The following LIMCH1 variants were observed in gnomAD, a reference collection of about 807,000 sequenced individuals.
LIMCH1 encodes the protein LIM and calponin homology domains-containing protein 1.
LIMCH1 carries 113 observed loss-of-function variants against 176.5 expected under a neutral mutation model. The ratio of observed to expected loss-of-function variants is 0.64; its 90% confidence interval spans 0.55 to 0.75. The LOEUF (loss-of-function observed/expected upper bound fraction) is 0.75. LIMCH1 is among the 30% of genes least tolerant of loss of function. LIMCH1 has a pLI of 0.00. For missense variants in LIMCH1, 1,674 were observed against 1,814.9 expected (o/e 0.92, Z 1.41); for synonymous variants, 619 against 645.9 (o/e 0.96, Z 0.63).
intron 4 of LIMCH1, chr4:41,612,766 C>T (rs1265962617): frequency 1.2e-5 from 9 of 754,662 alleles, no homozygotes; most frequent in African/African-American, 7.1e-5. Flanking sequence ...GCTCCCCCAG[C>T]GCCAAGAGCT....
At chr4:41,479,294 C>T (rs1467524555) in intron 1 of LIMCH1, among the ~76,000 whole-genome samples, 1 of 152,198 alleles carries the variant, frequency 6.6e-6, no homozygotes, top group Non-Finnish European at 1.5e-5. Context: ...ACTTGGTCCT[C>T]CAGGCTAGAG....
At chr4:41,656,736 G>A (rs2094474110) in intron 18 of LIMCH1, among the ~76,000 whole-genome samples, 1 of 152,106 alleles carries the variant, frequency 6.6e-6, no homozygotes, top group Admixed American at 6.5e-5. Flanking sequence ...GTCCAGATAA[G>A]TTGTCCAAGA....
intron 1 of LIMCH1, among the ~76,000 whole-genome samples, chr4:41,476,141 C>A (rs1341747219): frequency 6.6e-6 from 1 of 152,132 alleles, no homozygotes. Context: ...CTGGCCCTCA[C>A]AATTGCCTTT....
In LIMCH1 at chr4:41,633,535, A is replaced by T. The variant is rs2093433463; in HGVS notation, c.1830-13A>T. The T allele has an allele frequency of 6.5e-7, 1 of 1,534,212 alleles. No homozygotes were observed. Among genetic ancestry groups the T allele is most frequent in the Non-Finnish European group, 8.7e-7 (1 of 1,145,720 alleles). On this transcript the variant is annotated splice_polypyrimidine_tract_variant and intron_variant, in intron 12 of 31. Transcript: ENST00000503057. The stretch of plus-strand genomic sequence containing the variant: ...AAGTGGCCTTTGACTGGCTGGACTG[A>T]ATGTTGCCCTAGGGTGTGTCCTCTG...
intron 5 of LIMCH1, among the ~76,000 whole-genome samples, chr4:41,618,740 T>TATG (rs1313389453): frequency 6.6e-6 from 1 of 152,214 alleles, no homozygotes; most frequent in Non-Finnish European, 1.5e-5. Context: ...CTAGGTATGT[T>TATG]ATGGGTTGGT....
chr4:41,388,863 G>A (rs1339254329), intron 1 of LIMCH1, among the ~76,000 whole-genome samples: 12 of 152,048 alleles, frequency 7.9e-5, no homozygotes, highest in African/African-American at 2.9e-4. Context: ...GGCTGGTCTC[G>A]AACTCCAGAC....
At position 41,612,895 on chromosome 4, in the gene LIMCH1, C is replaced by T. The variant is rs1323496153; in HGVS notation, c.10-571C>T. On this transcript the variant is annotated intron_variant, in intron 4 of 31. Coordinates refer to ENST00000503057, the MANE Select transcript of LIMCH1 (RefSeq NM_001330672.2). Reference sequence around the variant, plus strand: ...TAACTTTTGCCTCAGAAAGACAGCTCCCTTTCAGAGCAGGAATTTCCCTTC... The same window carrying T: ...TAACTTTTGCCTCAGAAAGACAGCTTCCTTTCAGAGCAGGAATTTCCCTTC... 20 of 1,413,002 alleles carry T rather than the reference C, an allele frequency of 1.4e-5. 1 individual carries two copies. In the Middle Eastern group the frequency reaches 7.3e-4, roughly 52 times the overall value. 87.5% of individuals were successfully genotyped at this position (1,413,002 alleles called of 1,614,324 possible). A position where few individuals can be genotyped will look rare whatever the true frequency, so the allele number is the denominator to read the frequency against.
chr4:41,563,184 A>G (rs946859565), intron 1 of LIMCH1, among the ~76,000 whole-genome samples: 1 of 152,152 alleles, frequency 6.6e-6, no homozygotes, highest in African/African-American at 2.4e-5. Context: ...GCTCTGTGAT[A>G]GTGTACATGT....
At chr4:41,451,314 C>T (rs1343221444) in intron 1 of LIMCH1, among the ~76,000 whole-genome samples, 1 of 151,122 alleles carries the variant, frequency 6.6e-6, no homozygotes, top group Non-Finnish European at 1.5e-5. Context: ...TTGGTAGAGA[C>T]AGGTTTTCTC....
At chr4:41,521,748 A>C (rs2076141522) in intron 2 of LIMCH1, among the ~76,000 whole-genome samples, 1 of 152,116 alleles carries the variant, frequency 6.6e-6, no homozygotes, top group Non-Finnish European at 1.5e-5. Flanking sequence ...TTTTTAATTT[A>C]TGGTAAAACA....
Position 41,433,404 on chromosome 4 carries a change from TAAC to T in LIMCH1, c.97-61126_97-61124del, listed in dbSNP as rs549451350. Among the ~76,000 whole-genome samples the T allele has an allele frequency of 6.6e-5, 10 of 152,342 alleles. No homozygotes were observed. The East Asian group carries it at 1.9e-3, about 29-fold the overall frequency. ...TGACTCCAAACTTAGTGGCTTAAAA[TAAC>T]AACAATTTATTGTTTCTTAAGATTC... is the stretch of plus-strand genomic sequence containing the variant. On this transcript the variant is annotated intron_variant, in intron 1 of 26. Transcript: ENST00000313860.
rs116614709 is a variant in LIMCH1 at position 41,528,902 on chromosome 4, G to A, written c.237+4424G>A. Among the ~76,000 whole-genome samples, 981 of 152,328 alleles carry A rather than the reference G, an allele frequency of 6.4e-3. 10 individuals are homozygous for A. The highest frequency in any genetic ancestry group is 0.022 in the African/African-American group (924 of 41,564). ...GGTTACAAAGAATTCAGGGGTGAAG[G>A]TGTTAAAACAAAGTAGTTGAAAATC... On this transcript the variant is annotated intron_variant, in intron 3 of 26. Transcript: ENST00000313860.
chr4:41,536,141 C>G (rs1220634960), upstream of LIMCH1, among the ~76,000 whole-genome samples: 1 of 152,172 alleles, frequency 6.6e-6, no homozygotes, highest in Non-Finnish European at 1.5e-5. Context: ...TAGAGGATAA[C>G]TTTCTGTGGA....
intron 1 of LIMCH1, among the ~76,000 whole-genome samples, chr4:41,453,983 C>T (rs562212241): frequency 6.6e-6 from 1 of 152,282 alleles, no homozygotes; most frequent in African/African-American, 2.4e-5. Flanking sequence ...CACTCTTACT[C>T]TGGTCAACAC....
rs555873080 is a variant in LIMCH1 at position 41,427,380 on chromosome 4, A to T, written c.96+66444A>T. ...CCTTTGCCAAGCTCACAAATGATGG[A>T]TTTTTGTTTTCCTTCGGCCTGAGGG... On this transcript the variant is annotated intron_variant, in intron 1 of 26. Coordinates refer to the LIMCH1 transcript ENST00000313860. Among the ~76,000 whole-genome samples, 3 of 152,218 alleles carry T rather than the reference A, an allele frequency of 2.0e-5. No homozygotes were observed. In the South Asian group the frequency reaches 6.2e-4, roughly 32 times the overall value.
chr4:41,646,684 A>C lies in LIMCH1; in HGVS notation c.2611A>C (p.Met871Leu), dbSNP rs765681598. 1.2e-6 allele frequency: 2 copies of C among 1,614,184 alleles called. No individual in the cohort carries two copies. The highest frequency in any genetic ancestry group is 1.7e-5 in the Admixed American group (1 of 60,022). The change falls in exon 17 of 32, where the codon ATG becomes CTG. Residue 871 changes from methionine (M) to leucine (L), a missense_variant. Met to Leu is a conservative substitution (Grantham distance 15). Around this residue, in one of 3 missense-constraint regions of LIMCH1, gnomAD observed 1,015 missense variants for 1,102.5 expected, o/e 0.92. Transcript: ENST00000503057. ...CTCCTTCCTGAATGACCCCAATCCC[A>C]TGAAATACCTGCGGCAACAGTCACT... Reference protein sequence around the residue: ...LSSFLNDPNPMKYLRQQSLPP... With the variant: ...LSSFLNDPNPLKYLRQQSLPP...
At chr4:41,624,425 G>A (rs1229198160) in intron 7 of LIMCH1, among the ~76,000 whole-genome samples, 3 of 152,040 alleles carry the variant, frequency 2.0e-5, no homozygotes, top group Non-Finnish European at 2.9e-5. Flanking sequence ...CCAAACGCCG[G>A]TTCACCGTGG....
intron 22 of LIMCH1, among the ~76,000 whole-genome samples, chr4:41,672,833 A>T (rs2095096206): frequency 6.6e-6 from 1 of 152,182 alleles, no homozygotes; most frequent in African/African-American, 2.4e-5. Context: ...TGTGCCTTTG[A>T]TTCTGGATTT....
At chr4:41,688,662 G>A (rs941775531) in intron 29 of LIMCH1, among the ~76,000 whole-genome samples, 1 of 152,174 alleles carries the variant, frequency 6.6e-6, no homozygotes, top group Non-Finnish European at 1.5e-5. Context: ...TGTGATCTTA[G>A]TTATATAAAA....
Sources: allele counts gnomAD v4.1 joint callset (sites outside exome capture counted in the v4.1 genomes callset), GRCh38; gene constraint gnomAD v4.1.1; regional missense constraint gnomAD v4.1.1; transcripts MANE v1.5; gene names NCBI Gene and HGNC (gene_info 2026-07-23, HGNC 2026-07-21).